The following GJC1 variants were observed in gnomAD, a reference collection of about 807,000 sequenced individuals.
The protein encoded by GJC1 is gap junction protein gamma 1.
Under a neutral mutation model 29.3 loss-of-function variants are expected in GJC1, and 5 were observed. The ratio of observed to expected loss-of-function variants is 0.17; its 90% confidence interval spans 0.09 to 0.36. GJC1 has a LOEUF of 0.36. Among genes scored for constraint, GJC1 ranks in the 10% least tolerant of loss-of-function variants. The pLI, the probability that GJC1 is intolerant of heterozygous loss-of-function variation, is 1.00. For missense variants in GJC1, 310 were observed against 496.2 expected, an observed-to-expected ratio of 0.62 and a Z score of 3.56; for synonymous variants, 177 against 183.3, an observed-to-expected ratio of 0.97 and a Z score of 0.28.
Position 44,798,804 on chromosome 17 carries a change from T to TA in GJC1, c.*5822dup. The TA allele has an allele frequency of 6.6e-6, 1 of 152,184 alleles. No homozygotes were observed. Among genetic ancestry groups the TA allele is most frequent in the East Asian group, 1.9e-4 (1 of 5,202 alleles). The allele number at this position is 152,184 out of a possible 1,614,324, so 9.4% of individuals were successfully genotyped here. A position where few individuals can be genotyped will look rare whatever the true frequency, so the allele number is the denominator to read the frequency against. On this transcript the variant is annotated 3_prime_UTR_variant, in exon 3 of 3. Transcript: ENST00000592524. Reference sequence around the variant, plus strand: ...TTTTAAAACACAATTGAGAGTATAATACAGAAAAACATTTAAATCTTGGAA... The same window carrying TA: ...TTTTAAAACACAATTGAGAGTATAATAACAGAAAAACATTTAAATCTTGGAA...
chr17:44,822,516 G>A (rs889736603), intron 1 of GJC1, among the ~76,000 whole-genome samples: 15 of 151,710 alleles, frequency 9.9e-5, no homozygotes, highest in East Asian at 1.9e-4. Flanking sequence ...GGTGGCAGGC[G>A]CCTGTAATCT....
intron 1 of GJC1, among the ~76,000 whole-genome samples, chr17:44,821,723 A>AC (rs1567714264): frequency 2.8e-5 from 4 of 141,678 alleles, no homozygotes; most frequent in African/African-American, 8.0e-5. Context: ...AAAAAAAAAA[A>AC]AACAACAAAA....
chr17:44,823,333 A>G (rs1221261075), intron 1 of GJC1, among the ~76,000 whole-genome samples: 1 of 147,118 alleles, frequency 6.8e-6, no homozygotes, highest in Non-Finnish European at 1.5e-5. Flanking sequence ...CTCACTGCAA[A>G]CTCCGCCTCC....
chr17:44,816,671 A>G (rs2050047215), intron 1 of GJC1, among the ~76,000 whole-genome samples: 1 of 151,644 alleles, frequency 6.6e-6, no homozygotes, highest in Non-Finnish European at 1.5e-5. Context: ...AGGCCTGGCT[A>G]ATTTTTCTAT....
chr17:44,825,678 G>A (rs2050165481), intron 1 of GJC1, among the ~76,000 whole-genome samples: 1 of 151,926 alleles, frequency 6.6e-6, no homozygotes, highest in African/African-American at 2.4e-5. Context: ...GCAAGGCTGA[G>A]GCAAGAGAAT....
chr17:44,814,585 T>G (rs1288826285), intron 1 of GJC1, among the ~76,000 whole-genome samples: 1 of 152,102 alleles, frequency 6.6e-6, no homozygotes, highest in Non-Finnish European at 1.5e-5. Flanking sequence ...CCCTCAGTCT[T>G]CAGAACTGAT....
Position 44,799,309 on chromosome 17 carries a change from A to C in GJC1, c.*5318T>G, listed in dbSNP as rs2049813700. On this transcript the variant is annotated 3_prime_UTR_variant, in exon 3 of 3. Coordinates refer to ENST00000592524, the MANE Select transcript of GJC1 (RefSeq NM_005497.4). The stretch of plus-strand genomic sequence containing the variant: ...CAACCTCTGCCTTCCAGGTTCAAGG[A>C]AATCTCATGCCTCAACATCCCGAGT... 1 of 152,156 alleles carries C rather than the reference A, an allele frequency of 6.6e-6. No individual in the cohort carries two copies. Among genetic ancestry groups the C allele is most frequent in the Non-Finnish European group, 1.5e-5 (1 of 68,112 alleles). 9.4% of individuals were successfully genotyped at this position (152,156 alleles called of 1,614,324 possible).
At position 44,803,835 on chromosome 17, in the gene GJC1, C is replaced by T. The variant is rs1050066416; in HGVS notation, c.*792G>A. 7 of 152,178 alleles carry T rather than the reference C, an allele frequency of 4.6e-5. No individual in the cohort carries two copies. Among genetic ancestry groups the T allele is most frequent in the African/African-American group, 7.2e-5 (3 of 41,436 alleles). 9.4% of individuals were successfully genotyped at this position (152,178 alleles called of 1,614,324 possible). A position where few individuals can be genotyped will look rare whatever the true frequency, so the allele number is the denominator to read the frequency against. Reference sequence around the variant, plus strand: ...CCACATTGCTACCAAACTGGGGACACGTTTCTGTATCAGGCTTTTGAAAGA... The same window carrying T: ...CCACATTGCTACCAAACTGGGGACATGTTTCTGTATCAGGCTTTTGAAAGA... On this transcript the variant is annotated 3_prime_UTR_variant, in exon 3 of 3. Transcript: ENST00000592524.
chr17:44,816,054 A>G (rs185548490), intron 1 of GJC1, among the ~76,000 whole-genome samples: 1,395 of 135,942 alleles, frequency 0.01, 24 homozygotes, highest in African/African-American at 0.036. Flanking sequence ...CGGAGCTTGC[A>G]GTGAGCCGAG....
rs1416154459 is a variant in GJC1 at position 44,804,831 on chromosome 17, C to G, written c.987G>C (p.Glu329Asp). The G allele has an allele frequency of 1.2e-6, 2 of 1,614,208 alleles. No homozygotes were observed. Among genetic ancestry groups the G allele is most frequent in the East Asian group, 4.5e-5 (2 of 44,890 alleles). The change falls in exon 3 of 3, where the codon GAG (glutamate) becomes GAC (aspartate). Residue 329 changes from glutamate to aspartate, a missense_variant. Physicochemically the swap from Glu to Asp is conservative, Grantham distance 45. Coordinates refer to ENST00000592524, the MANE Select transcript of GJC1 (RefSeq NM_005497.4). ...AQEQQYGSHEENLPADLEALQ... is the reference protein window; with the variant it reads ...AQEQQYGSHEDNLPADLEALQ... ...GAGCCTCCAGGTCAGCTGGGAGGTT[C>G]TCCTCATGGCTGCCATACTGCTGTT... is the stretch of plus-strand genomic sequence containing the variant.
downstream of GJC1, among the ~76,000 whole-genome samples, chr17:44,795,558 A>G (rs570297490): frequency 6.6e-6 from 1 of 152,316 alleles, no homozygotes; most frequent in South Asian, 2.1e-4. Context: ...TCATGATGAA[A>G]CAGGAAAAGT....
Position 44,802,425 on chromosome 17 carries a change from T to C in GJC1, c.*2202A>G, listed in dbSNP as rs1470858946. The C allele has an allele frequency of 1.3e-5, 2 of 152,232 alleles. No homozygotes were observed. Among genetic ancestry groups the C allele is most frequent in the East Asian group, 3.8e-4 (2 of 5,204 alleles). The allele number at this position is 152,232 out of a possible 1,614,324, so 9.4% of individuals were successfully genotyped here. The stretch of plus-strand genomic sequence containing the variant: ...AGTGATGTTAAGAATTAACTGGTAG[T>C]TCTTTATCTTAGCTAGGCTTATGTA... On this transcript the variant is annotated 3_prime_UTR_variant, in exon 3 of 3. Coordinates refer to ENST00000592524, the MANE Select transcript of GJC1 (RefSeq NM_005497.4).
chr17:44,813,649 C>A (rs1320147423), intron 1 of GJC1, among the ~76,000 whole-genome samples: 1 of 151,794 alleles, frequency 6.6e-6, no homozygotes, highest in African/African-American at 2.4e-5. Flanking sequence ...CACACCACCA[C>A]GCCCAACTAA....
intron 1 of GJC1, among the ~76,000 whole-genome samples, chr17:44,818,246 A>G (rs2145347404): frequency 6.6e-6 from 1 of 152,280 alleles, no homozygotes; most frequent in East Asian, 1.9e-4. Flanking sequence ...AAAAATGCAC[A>G]AACACCAGAA....
intron 1 of GJC1, among the ~76,000 whole-genome samples, chr17:44,823,374 C>T (rs2050134863): frequency 6.6e-6 from 1 of 150,984 alleles, no homozygotes; most frequent in African/African-American, 2.4e-5. Context: ...GTCTCAGTCT[C>T]GCAAGTAGCT....
intron 1 of GJC1, among the ~76,000 whole-genome samples, chr17:44,818,372 C>A (rs1323986364): frequency 1.3e-5 from 2 of 152,080 alleles, no homozygotes; most frequent in Non-Finnish European, 2.9e-5. Context: ...TAAACGGTAT[C>A]TTTGACAAAA....
intron 1 of GJC1, among the ~76,000 whole-genome samples, chr17:44,815,631 T>TCC (rs2050033001): frequency 6.6e-6 from 1 of 152,118 alleles, no homozygotes; most frequent in South Asian, 2.1e-4. Flanking sequence ...TAGGATACGT[T>TCC]CCCCCTCATA....
chr17:44,818,043 T>A (rs1205931242), intron 1 of GJC1, among the ~76,000 whole-genome samples: 1 of 151,866 alleles, frequency 6.6e-6, no homozygotes, highest in East Asian at 1.9e-4. Flanking sequence ...TGAAACCCCA[T>A]CTCTACTAAA....
chr17:44,821,227 T>C (rs1035798335), intron 1 of GJC1, among the ~76,000 whole-genome samples: 9 of 152,200 alleles, frequency 5.9e-5, no homozygotes, highest in Admixed American at 1.3e-4. Flanking sequence ...AGTGGAACTG[T>C]CTTCATGCAA....
Sources: gnomAD v4.1 joint callset for allele counts (sites outside exome capture counted in the v4.1 genomes callset) on GRCh38, gnomAD v4.1.1 for gene constraint, MANE v1.5 for transcripts, NCBI Gene and HGNC (gene_info 2026-07-23, HGNC 2026-07-21) for gene names.